Variants in SQLE observed in about 807,000 individuals in gnomAD.
SQLE encodes squalene monooxygenase.
In SQLE, 29 loss-of-function variants were observed where a neutral mutation model predicts 60.7. That is an observed-to-expected ratio of 0.48 (90% CI 0.36 to 0.65). The LOEUF is 0.65. Among genes scored for constraint, SQLE ranks in the 30% least tolerant of loss-of-function variants. The pLI, the probability that SQLE is intolerant of heterozygous loss-of-function variation, is 0.00. For missense variants in SQLE, 605 were observed against 684.1 expected (o/e 0.88, Z 1.29); for synonymous variants, 237 against 246.8 (o/e 0.96, Z 0.37).
Position 125,009,103 on chromosome 8 carries a change from A to G in SQLE, c.936+19A>G. On this transcript the variant is annotated intron_variant, in intron 5 of 10. Coordinates refer to ENST00000265896, the MANE Select transcript of SQLE (RefSeq NM_003129.4). The stretch of plus-strand genomic sequence containing the variant: ...TATGAAGGTACTGTAGGAGTGTGTT[A>G]TTGTAATTTCAATAAAAGAAACTTG... 2 of 1,573,588 alleles carry G rather than the reference A, an allele frequency of 1.3e-6. No individual in the cohort carries two copies. Among genetic ancestry groups the G allele is most frequent in the Non-Finnish European group, 1.7e-6 (2 of 1,162,542 alleles).
chr8:125,018,801 G>A, intron 9 of SQLE, 74 bp downstream of exon 9: 2 of 995,040 alleles, frequency 2.0e-6, no homozygotes, highest in Non-Finnish European at 2.9e-6. Context: ...AAACAAGTTA[G>A]TGATTTGTCC....
intron 4 of SQLE, 45 bp from the exon 5 acceptor site, chr8:125,008,926 T>G: frequency 7.4e-7 from 1 of 1,353,930 alleles, no homozygotes; most frequent in Non-Finnish European, 9.9e-7. Flanking sequence ...TTTTTTACTG[T>G]GTGTTTCTGA....
In SQLE at chr8:124,999,664, A is replaced by T; in HGVS notation, c.261A>T (p.Ser87=). ...TCTGGGCCAAATCCCCCCCTGAATC[A>T]GAAAATAAGGAGCAGCTCGAGGCCA... is the stretch of plus-strand genomic sequence containing the variant. The part of the protein sequence containing the change: ...GFFWAKSPPE[S]ENKEQLEARR... The change falls in exon 1 of 11, where the codon TCA becomes TCT. Residue 87 remains serine, a synonymous_variant. Coordinates refer to ENST00000265896, the MANE Select transcript of SQLE (RefSeq NM_003129.4). 1 of 1,607,238 alleles carries T rather than the reference A, an allele frequency of 6.2e-7. No individual in the cohort carries two copies. The highest frequency in any genetic ancestry group is 8.5e-7 in the Non-Finnish European group (1 of 1,176,424).
At chr8:125,021,399 C>G (rs1815201731) in intron 10 of SQLE, among the ~76,000 whole-genome samples, 1 of 152,000 alleles carries the variant, frequency 6.6e-6, no homozygotes, top group South Asian at 2.1e-4. Flanking sequence ...ACAGACCAGG[C>G]CATCTAGATA....
intron 1 of SQLE, chr8:125,000,147 G>T (rs2129866161): frequency 7.1e-6 from 3 of 422,844 alleles, no homozygotes; most frequent in South Asian, 5.2e-5. Context: ...GGCAGAAGGA[G>T]AATGCTCAAC....
At chr8:125,000,757 C>CTT (rs1814831396) in intron 1 of SQLE, among the ~76,000 whole-genome samples, 1 of 152,072 alleles carries the variant, frequency 6.6e-6, no homozygotes, top group Non-Finnish European at 1.5e-5. Flanking sequence ...CCTGGCCTGA[C>CTT]TTTTACCTTT....
chr8:125,001,984 T>C (rs1187570895), intron 1 of SQLE, among the ~76,000 whole-genome samples: 2 of 152,336 alleles, frequency 1.3e-5, no homozygotes, highest in African/African-American at 2.4e-5. Context: ...TGCACTGTTG[T>C]TCTTAGTGGT....
chr8:125,017,347 C>G (rs1210806492), intron 7 of SQLE, among the ~76,000 whole-genome samples: 1 of 151,832 alleles, frequency 6.6e-6, no homozygotes, highest in East Asian at 1.9e-4. Flanking sequence ...TTCCTTCCCA[C>G]TCTTCCCTCT....
rs1334062575 is a variant in SQLE at position 125,004,130 on chromosome 8, A to G, written c.544+702A>G. Among the ~76,000 whole-genome samples the G allele has an allele frequency of 2.0e-5, 3 of 152,200 alleles. No homozygotes were observed. In the East Asian group the frequency reaches 5.8e-4, roughly 29 times the overall value. On this transcript the variant is annotated intron_variant, in intron 2 of 10. Coordinates refer to ENST00000265896, the MANE Select transcript of SQLE (RefSeq NM_003129.4). ...AACATTTTATGTCACTAATATATAT[A>G]CTAGAGTCCACTTTTTCACTTGACA... is the stretch of plus-strand genomic sequence containing the variant.
chr8:125,020,223 A>G (rs953031988), intron 9 of SQLE, among the ~76,000 whole-genome samples: 7 of 152,226 alleles, frequency 4.6e-5, no homozygotes, highest in Non-Finnish European at 1.0e-4. Flanking sequence ...AATCTGTTGT[A>G]AAGAAAAATC....
intron 3 of SQLE, among the ~76,000 whole-genome samples, chr8:125,006,200 G>GT (rs1337993160): frequency 1.3e-5 from 2 of 152,116 alleles, no homozygotes; most frequent in Admixed American, 6.5e-5. Context: ...AGTTTTAAGC[G>GT]TGAGAACCCT....
At chr8:125,001,472 GTGTGTGTGTGTGTGTGTA>G (rs908081383) in intron 1 of SQLE, among the ~76,000 whole-genome samples, 1 of 145,724 alleles carries the variant, frequency 6.9e-6, no homozygotes, top group African/African-American at 2.5e-5. Context: ...GTGTGTGTGT[GTGTGTGTGTGTGTGTGTA>G]TATAAAACAG....
Position 125,018,249 on chromosome 8 carries a change from T to C in SQLE, c.1347+48T>C. On this transcript the variant is annotated intron_variant, in intron 8 of 10. Transcript: ENST00000265896. ...AAATGTCTCAAAATGGATTTATTTC[T>C]GGGGGTTAAGAGCAGTGGGGCTCTG... 4 of 1,600,008 alleles carry C rather than the reference T, an allele frequency of 2.5e-6. No homozygotes were observed. The South Asian group carries it at 4.5e-5, about 18-fold the overall frequency.
Position 125,003,487 on chromosome 8 carries a change from G to C in SQLE, c.544+59G>C, listed in dbSNP as rs1171097339. ...GGTATGAACAAGCACTCTTCACTTA[G>C]ACCATCCTATGACCAGTAAGAAGGT... On this transcript the variant is annotated intron_variant, in intron 2 of 10. Transcript: ENST00000265896. 1.1e-5 allele frequency: 17 copies of C among 1,568,244 alleles called. No homozygotes were observed. In the Admixed American group the frequency reaches 3.1e-4, roughly 29 times the overall value.
intron 1 of SQLE, among the ~76,000 whole-genome samples, chr8:125,002,690 A>G (rs896599063): frequency 1.3e-5 from 2 of 152,172 alleles, no homozygotes; most frequent in Non-Finnish European, 2.9e-5. Flanking sequence ...ACAAACAAAC[A>G]AAAAAACAAA....
At position 125,005,537 on chromosome 8, in the gene SQLE, G is replaced by C. The variant is rs764717217; in HGVS notation, c.557G>C (p.Gly186Ala). Residue 186 changes from glycine to alanine, a missense_variant, in exon 3 of 11, where the codon GGT becomes GCT. Physicochemically the swap from Gly to Ala is moderately conservative, Grantham distance 60. Coordinates refer to ENST00000265896, the MANE Select transcript of SQLE (RefSeq NM_003129.4). The part of the protein sequence containing the change: ...KDLGLGDTVE[G>A]LDAQVVNGYM... ...GATTGCTTTGCAGATACAGTGGAAG[G>C]TCTTGATGCCCAGGTTGTAAATGGT... 2.5e-6 allele frequency: 4 copies of C among 1,600,684 alleles called. No homozygotes were observed. In the South Asian group the frequency reaches 4.5e-5, roughly 18 times the overall value.
chr8:125,005,483 G>A (rs377760332), intron 2 of SQLE, 42 bp from the exon 3 acceptor site: 4 of 1,483,362 alleles, frequency 2.7e-6, no homozygotes, highest in Admixed American at 4.1e-5. Flanking sequence ...AACGCTGGGT[G>A]TGTTAACAGA....
intron 2 of SQLE, among the ~76,000 whole-genome samples, chr8:125,004,189 A>C (rs1354568338): frequency 1.3e-5 from 2 of 152,178 alleles, no homozygotes; most frequent in Non-Finnish European, 2.9e-5. Context: ...ACCATTCTTT[A>C]TCAGTATCTT....
intron 10 of SQLE, 148 bp from the exon 11 acceptor site, chr8:125,021,604 TA>T: frequency 1.8e-6 from 1 of 563,622 alleles, no homozygotes; most frequent in Non-Finnish European, 3.0e-6. Flanking sequence ...TGACGTCCTC[TA>T]AAATGTAGAA....
Sources: gnomAD v4.1 joint callset for allele counts (sites outside exome capture counted in the v4.1 genomes callset) on GRCh38, gnomAD v4.1.1 for gene constraint, MANE v1.5 for transcripts, NCBI Gene and HGNC (gene_info 2026-07-23, HGNC 2026-07-21) for gene names.